KANSL2: variants seen among roughly 807,000 people sequenced by gnomAD.
KANSL2 encodes the protein KAT8 regulatory NSL complex subunit 2.
Under a neutral mutation model 55.6 loss-of-function variants are expected in KANSL2, and 34 were observed. The ratio of observed to expected loss-of-function variants is 0.61; its 90% CI spans 0.46 to 0.81. KANSL2 has a LOEUF of 0.81. Ranked by LOEUF, KANSL2 falls within the 40% of genes least tolerant of loss-of-function variation. The probability of loss-of-function intolerance (pLI) is 0.00; values close to 1 mark genes in which losing one functional copy is unlikely to be tolerated. For missense variants in KANSL2, 502 were observed against 609.9 expected (o/e 0.82, Z 1.86); for synonymous variants, 209 against 214.3 (o/e 0.98, Z 0.22).
At chr12:48,665,033 A>G (rs1026537251) in intron 7 of KANSL2, among the ~76,000 whole-genome samples, 1 of 151,640 alleles carries the variant, frequency 6.6e-6, no homozygotes. Flanking sequence ...TCGTGACCAG[A>G]TAATTTTTCT....
intron 5 of KANSL2, 60 bp from the exon 6 acceptor site, chr12:48,669,332 A>C: frequency 4.5e-6 from 6 of 1,342,436 alleles, no homozygotes; most frequent in Non-Finnish European, 4.0e-6. Context: ...TACGTCTCCA[A>C]GTCAACAAGT....
Position 48,669,235 on chromosome 12 carries a change from G to A in KANSL2, c.747C>T (p.Ala249=), listed in dbSNP as rs768619042. The change falls in exon 6 of 10, where the codon GCC becomes GCT. Residue 249 remains alanine, a synonymous_variant. Coordinates refer to ENST00000420613, the MANE Select transcript of KANSL2 (RefSeq NM_017822.4). The stretch of plus-strand genomic sequence containing the variant: ...ATCGCTTTAAGTTCTCTCGTTCTTT[G>A]GCCAAAAGTCCCTCTGGGCCAGTCA... ...SLLTGPEGLL[A]KERENLKRLK... 5.7e-6 allele frequency: 9 copies of A among 1,574,510 alleles called. No homozygotes were observed. In the South Asian group the frequency reaches 8.2e-5, roughly 14 times the overall value.
chr12:48,662,736 C>G, intron 7 of KANSL2: 1 of 891,904 alleles, frequency 1.1e-6, no homozygotes, highest in South Asian at 1.7e-5. Context: ...AAAAAAAATA[C>G]TTCCCTTCTC....
intron 2 of KANSL2, 90 bp from the exon 3 acceptor site, chr12:48,679,923 G>T: frequency 8.8e-7 from 1 of 1,142,154 alleles, no homozygotes; most frequent in Non-Finnish European, 1.2e-6. Flanking sequence ...TCATTTTTAG[G>T]GAATTAAAAT....
chr12:48,667,340 T>A, intron 7 of KANSL2: 1 of 292,794 alleles, frequency 3.4e-6, no homozygotes, highest in Non-Finnish European at 6.8e-6. Context: ...AGCATTAGGA[T>A]CCTAATAAGC....
chr12:48,680,640 A>AT (rs1939904871), intron 2 of KANSL2, among the ~76,000 whole-genome samples: 1 of 152,166 alleles, frequency 6.6e-6, no homozygotes, highest in African/African-American at 2.4e-5. Context: ...TATTTAACAA[A>AT]ATTCATGGAC....
In KANSL2 at chr12:48,664,387, C is replaced by T. The variant is rs1379435525; in HGVS notation, c.973+3306G>A. Among the ~76,000 whole-genome samples, 4 of 151,402 alleles carry T rather than the reference C, an allele frequency of 2.6e-5. No homozygotes were observed. In the South Asian group the frequency reaches 8.3e-4, roughly 32 times the overall value. ...CTCCGCCTCCCAAGTTCATGCCATTCTCCCACCTCAGCCTCTTCAGTAGCT... is the reference window on the plus strand; with the variant it reads ...CTCCGCCTCCCAAGTTCATGCCATTTTCCCACCTCAGCCTCTTCAGTAGCT... On this transcript the variant is annotated intron_variant, in intron 7 of 9. Coordinates refer to ENST00000420613, the MANE Select transcript of KANSL2 (RefSeq NM_017822.4).
At chr12:48,677,930 A>G (rs1328271973) in intron 4 of KANSL2, among the ~76,000 whole-genome samples, 2 of 152,160 alleles carry the variant, frequency 1.3e-5, no homozygotes, top group Non-Finnish European at 2.9e-5. Context: ...AGTTGACCAC[A>G]GTGAGATTAC....
chr12:48,672,758 C>A (rs557207210), intron 4 of KANSL2, among the ~76,000 whole-genome samples: 1 of 151,238 alleles, frequency 6.6e-6, no homozygotes, highest in African/African-American at 2.4e-5. Context: ...AAGATACCAA[C>A]ATCAAATAAT....
At chr12:48,680,191 T>G (rs952706983) in intron 2 of KANSL2, 1 of 179,120 alleles carries the variant, frequency 5.6e-6, no homozygotes, top group Non-Finnish European at 1.2e-5. Flanking sequence ...TCAAAGTAGC[T>G]AGAACTATAG....
intron 9 of KANSL2, chr12:48,654,469 G>A: frequency 1.5e-6 from 1 of 666,628 alleles, no homozygotes. Flanking sequence ...TTAGGCCTCT[G>A]CTTGAAACCA....
chr12:48,680,143 T>A (rs1019426891), intron 2 of KANSL2: 6 of 227,378 alleles, frequency 2.6e-5, no homozygotes, highest in Non-Finnish European at 5.3e-5. Flanking sequence ...CACTGTAGCC[T>A]TAAACTGCTT....
intron 8 of KANSL2, among the ~76,000 whole-genome samples, chr12:48,658,839 A>C (rs1348834398): frequency 6.6e-6 from 1 of 152,146 alleles, no homozygotes; most frequent in East Asian, 1.9e-4. Context: ...GAGAGAAGGA[A>C]CTCAAAAGTA....
At chr12:48,676,418 T>A (rs1939822484) in intron 4 of KANSL2, among the ~76,000 whole-genome samples, 1 of 152,032 alleles carries the variant, frequency 6.6e-6, no homozygotes, top group African/African-American at 2.4e-5. Flanking sequence ...CCCAGCACTT[T>A]GGGAGGCTGA....
At chr12:48,661,363 T>C (rs1939485108) in intron 7 of KANSL2, 1 of 191,288 alleles carries the variant, frequency 5.2e-6, no homozygotes, top group African/African-American at 2.4e-5. Flanking sequence ...AGGGCTATAT[T>C]TCCAAGTTAG....
In KANSL2 at chr12:48,675,400, G is replaced by A. The variant is rs187635102; in HGVS notation, c.546-3438C>T. On this transcript the variant is annotated intron_variant, in intron 4 of 9. Transcript: ENST00000420613. Reference sequence around the variant, plus strand: ...CAGCCTGGCAACAGAGTGAGAGTCCGTCTCAAAAATAAATACATAACGGTT... The same window carrying A: ...CAGCCTGGCAACAGAGTGAGAGTCCATCTCAAAAATAAATACATAACGGTT... 4.6e-5 allele frequency among the ~76,000 whole-genome samples: 7 copies of A among 152,280 alleles called. No homozygotes were observed. In the South Asian group the frequency reaches 8.3e-4, roughly 18 times the overall value.
intron 5 of KANSL2, among the ~76,000 whole-genome samples, chr12:48,670,200 A>C (rs1043624777): frequency 1.3e-5 from 2 of 148,490 alleles, no homozygotes. Flanking sequence ...CTATATCACA[A>C]AAAAAAAAAA....
chr12:48,667,350 C>A, intron 7 of KANSL2: 1 of 302,032 alleles, frequency 3.3e-6, no homozygotes, highest in Non-Finnish European at 6.6e-6. Context: ...TCCTAATAAG[C>A]AAGTTAAATC....
rs753524647 is a variant in KANSL2 at position 48,671,844 on chromosome 12, T to G, written c.664A>C (p.Lys222Gln). The G allele has an allele frequency of 5.6e-6, 9 of 1,613,128 alleles. No homozygotes were observed. Among genetic ancestry groups the G allele is most frequent in the South Asian group, 4.4e-5 (4 of 90,918 alleles). Residue 222 changes from lysine (K) to glutamine (Q), a missense_variant, in exon 5 of 10, where the codon AAG (lysine) becomes CAG (glutamine). Physicochemically the swap from Lys to Gln is moderately conservative, Grantham distance 53. Coordinates refer to ENST00000420613, the MANE Select transcript of KANSL2 (RefSeq NM_017822.4). ...KRLQHLLKEK[K>Q]RRYLHNRKVE... ...TTGCGATTATGTAAGTATCGGCGCT[T>G]CTTCTCCTTGAGCAGATGCTGAAGT...
Sources: allele counts gnomAD v4.1 joint callset (sites outside exome capture counted in the v4.1 genomes callset), GRCh38; gene constraint gnomAD v4.1.1; transcripts MANE v1.5; gene names NCBI Gene and HGNC (gene_info 2026-07-23, HGNC 2026-07-21).